KCNT2: variants seen among roughly 807,000 people sequenced by gnomAD.
KCNT2 encodes potassium sodium-activated channel subfamily T member 2, also known as potassium channel subfamily T member 2.
A neutral mutation model predicts 153.8 loss-of-function variants in KCNT2; 67 were observed. The ratio of observed to expected loss-of-function variants is 0.44; its 90% CI spans 0.36 to 0.53. The LOEUF (loss-of-function observed/expected upper bound fraction) is 0.53, where lower values mean the gene tolerates loss of function less well. Ranked by LOEUF, KCNT2 falls within the 20% of genes least tolerant of loss-of-function variation. The pLI, the probability that KCNT2 is intolerant of heterozygous loss-of-function variation, is 0.00. For missense variants in KCNT2, 975 were observed against 1,354.8 expected (o/e 0.72, Z 4.40); for synonymous variants, 500 against 458.8 (o/e 1.09, Z -1.15).
chr1:196,429,437 T>C (rs570702819), intron 9 of KCNT2, 140 bp downstream of exon 9: 2 of 503,628 alleles, frequency 4.0e-6, no homozygotes, highest in South Asian at 1.0e-4. Context: ...GTAATTTATG[T>C]AATTGATTAA....
chr1:196,444,475 T>TA (rs1451082350), intron 8 of KCNT2, among the ~76,000 whole-genome samples: 1 of 151,222 alleles, frequency 6.6e-6, no homozygotes, highest in Non-Finnish European at 1.5e-5. Flanking sequence ...CAGTTTACCT[T>TA]AAAAAAAGGG....
chr1:196,395,481 A>G (rs1360855177), intron 13 of KCNT2, among the ~76,000 whole-genome samples: 1 of 151,678 alleles, frequency 6.6e-6, no homozygotes, highest in Non-Finnish European at 1.5e-5. Context: ...TGCTTAAAAT[A>G]GCACTGGTGG....
chr1:196,257,796 G>C lies in KCNT2; in HGVS notation c.3211+398C>G, dbSNP rs1656647687. 10 of 984,384 alleles carry C rather than the reference G, an allele frequency of 1.0e-5. 1 individual carries two copies. The South Asian group carries it at 3.8e-4, about 37-fold the overall frequency. The allele number at this position is 984,384 out of a possible 1,614,324, so 61.0% of individuals were successfully genotyped here. ...TTTATAAGAACATTTTGGTTTACCT[G>C]TGGCCAATACAATCAGTTACTTGTC... On this transcript the variant is annotated intron_variant, in intron 26 of 27. Transcript: ENST00000294725.
intron 26 of KCNT2, among the ~76,000 whole-genome samples, chr1:196,252,916 G>T (rs1656112928): frequency 6.6e-6 from 1 of 150,994 alleles, no homozygotes; most frequent in Non-Finnish European, 1.5e-5. Context: ...CAAGAAGTCT[G>T]TTTACATTTT....
intron 1 of KCNT2, among the ~76,000 whole-genome samples, chr1:196,561,213 A>G (rs572256518): frequency 1.6e-4 from 24 of 151,940 alleles, no homozygotes; most frequent in African/African-American, 2.4e-4. Flanking sequence ...ATCACATTAT[A>G]TCCCATAAAT....
At chr1:196,399,855 G>C (rs1671261272) in intron 12 of KCNT2, among the ~76,000 whole-genome samples, 1 of 151,790 alleles carries the variant, frequency 6.6e-6, no homozygotes, top group Admixed American at 6.6e-5. Context: ...GCCATGTAAG[G>C]ATGTTGCAAG....
intron 27 of KCNT2, among the ~76,000 whole-genome samples, chr1:196,232,258 C>G (rs755642340): frequency 4.1e-4 from 62 of 151,806 alleles, no homozygotes; most frequent in Admixed American, 2.6e-3. Flanking sequence ...AATACCATAT[C>G]ATCTAGTGAT....
intron 25 of KCNT2, chr1:196,273,560 C>G: frequency 9.2e-7 from 1 of 1,083,060 alleles, no homozygotes; most frequent in African/African-American, 1.6e-5. Flanking sequence ...AGATGCATGC[C>G]AACAATCAGT....
At chr1:196,521,386 T>C (rs1572711840) in intron 1 of KCNT2, among the ~76,000 whole-genome samples, 1 of 152,336 alleles carries the variant, frequency 6.6e-6, no homozygotes, top group East Asian at 1.9e-4. Flanking sequence ...GAAAGCAGTT[T>C]GTTGATTCCT....
At chr1:196,517,849 G>A (rs962675303) in intron 1 of KCNT2, among the ~76,000 whole-genome samples, 1 of 152,160 alleles carries the variant, frequency 6.6e-6, no homozygotes, top group Non-Finnish European at 1.5e-5. Flanking sequence ...CATATTTCAG[G>A]ATACTGTCCA....
chr1:196,397,080 A>T (rs902555678), intron 13 of KCNT2, among the ~76,000 whole-genome samples: 1 of 151,518 alleles, frequency 6.6e-6, no homozygotes, highest in Non-Finnish European at 1.5e-5. Flanking sequence ...GATAAAACAG[A>T]GACATAATCT....
chr1:196,524,239 C>T (rs1483723861), intron 1 of KCNT2, among the ~76,000 whole-genome samples: 1 of 152,130 alleles, frequency 6.6e-6, no homozygotes, highest in Non-Finnish European at 1.5e-5. Flanking sequence ...TTAAATTTCA[C>T]ACTTGAGTAA....
chr1:196,541,143 A>AC (rs1196166298), intron 1 of KCNT2, among the ~76,000 whole-genome samples: 2 of 151,178 alleles, frequency 1.3e-5, no homozygotes, highest in African/African-American at 4.9e-5. Context: ...TACTGAGATA[A>AC]AAAAAGCATC....
chr1:196,443,981 C>A (rs1253427682), intron 8 of KCNT2, among the ~76,000 whole-genome samples: 1 of 150,362 alleles, frequency 6.7e-6, no homozygotes, highest in Non-Finnish European at 1.5e-5. Flanking sequence ...AGATATATTC[C>A]CAAAAGAAAA....
chr1:196,326,526 T>C (rs1182643124), intron 19 of KCNT2, among the ~76,000 whole-genome samples, 191 bp downstream of exon 19: 1 of 152,092 alleles, frequency 6.6e-6, no homozygotes, highest in Non-Finnish European at 1.5e-5. Flanking sequence ...TTTTAAGTAG[T>C]ATTTATGAAT....
At chr1:196,506,177 G>C (rs115550758) in intron 1 of KCNT2, among the ~76,000 whole-genome samples, 2 of 152,062 alleles carry the variant, frequency 1.3e-5, no homozygotes, top group African/African-American at 2.4e-5. Context: ...CATGAGCTTC[G>C]TATATGCATT....
intron 1 of KCNT2, among the ~76,000 whole-genome samples, chr1:196,493,278 G>A (rs1679994367): frequency 6.8e-6 from 1 of 147,254 alleles, no homozygotes; most frequent in Non-Finnish European, 1.5e-5. Flanking sequence ...TCCTAATATG[G>A]TAACATTTTG....
chr1:196,556,182 G>A (rs777218888), intron 1 of KCNT2, among the ~76,000 whole-genome samples: 1 of 151,320 alleles, frequency 6.6e-6, no homozygotes, highest in Non-Finnish European at 1.5e-5. Flanking sequence ...CTTCTGCTCT[G>A]CAAAAGAAGC....
intron 14 of KCNT2, among the ~76,000 whole-genome samples, chr1:196,351,555 G>T (rs970581348): frequency 3.9e-5 from 6 of 152,004 alleles, no homozygotes; most frequent in Non-Finnish European, 7.4e-5. Context: ...CATTGATTTT[G>T]TATCCCGAGA....
Sources: gnomAD v4.1 joint callset for allele counts (sites outside exome capture counted in the v4.1 genomes callset) on GRCh38, gnomAD v4.1.1 for gene constraint, MANE v1.5 for transcripts, NCBI Gene and HGNC (gene_info 2026-07-23, HGNC 2026-07-21) for gene names.